TAFA1: variants seen among roughly 807,000 people sequenced by gnomAD.
TAFA1 encodes chemokine-like protein TAFA-1.
TAFA1 carries 4 observed loss-of-function variants against 18.5 expected under a neutral mutation model. That is an observed-to-expected ratio of 0.22 (90% CI 0.11 to 0.49). The LOEUF (loss-of-function observed/expected upper bound fraction) is 0.49. TAFA1 is among the 20% of genes least tolerant of loss of function. TAFA1 has a pLI of 0.98. For synonymous variants in TAFA1, 56 were observed against 55.2 expected (o/e 1.01, Z -0.06); for missense variants, 147 against 169.0 (o/e 0.87, Z 0.72).
chr3:68,433,238 C>T (rs967682314), intron 3 of TAFA1, among the ~76,000 whole-genome samples: 10 of 151,996 alleles, frequency 6.6e-5, no homozygotes, highest in Non-Finnish European at 1.3e-4. Flanking sequence ...CCTCATGGCC[C>T]ATGTCCATTT....
chr3:68,226,972 G>C (rs1045041117), intron 2 of TAFA1, among the ~76,000 whole-genome samples: 1 of 152,162 alleles, frequency 6.6e-6, no homozygotes, highest in Non-Finnish European at 1.5e-5. Context: ...CGTAGCCTTG[G>C]CCGAGGGGTT....
At chr3:68,368,735 C>A (rs888742982) in intron 2 of TAFA1, among the ~76,000 whole-genome samples, 1 of 151,964 alleles carries the variant, frequency 6.6e-6, no homozygotes, top group Non-Finnish European at 1.5e-5. Flanking sequence ...AAATCCATTT[C>A]ATCTCTGCCA....
intron 3 of TAFA1, among the ~76,000 whole-genome samples, chr3:68,469,303 A>G (rs1159791053): frequency 6.6e-6 from 1 of 152,170 alleles, no homozygotes; most frequent in East Asian, 1.9e-4. Context: ...TCCAGTGGGA[A>G]GTAGGCATGT....
intron 2 of TAFA1, among the ~76,000 whole-genome samples, chr3:68,086,651 GGAAGAT>G (rs2064974023): frequency 6.6e-6 from 1 of 152,178 alleles, no homozygotes. Context: ...TGAGGGGAAA[GGAAGAT>G]GAAATACCAA....
At chr3:68,473,458 C>T (rs1429350810) in intron 3 of TAFA1, among the ~76,000 whole-genome samples, 1 of 152,130 alleles carries the variant, frequency 6.6e-6, no homozygotes, top group African/African-American at 2.4e-5. Context: ...CTTGTCTTAA[C>T]TTTCCAGTCT....
At chr3:68,361,400 G>A (rs1220039567) in intron 2 of TAFA1, among the ~76,000 whole-genome samples, 1 of 151,874 alleles carries the variant, frequency 6.6e-6, no homozygotes, top group African/African-American at 2.4e-5. Flanking sequence ...TACAAACATA[G>A]ACAAAAAAGC....
chr3:68,206,671 A>T (rs944397325), intron 2 of TAFA1, among the ~76,000 whole-genome samples: 1 of 151,928 alleles, frequency 6.6e-6, no homozygotes, highest in African/African-American at 2.4e-5. Context: ...GATTGGTCAT[A>T]TCTGGCAAAA....
At chr3:68,080,800 G>C (rs929953668) in intron 2 of TAFA1, among the ~76,000 whole-genome samples, 8 of 152,008 alleles carry the variant, frequency 5.3e-5, no homozygotes, top group African/African-American at 1.4e-4. Context: ...CTTGGAGTTG[G>C]TCTTCTCGAG....
intron 3 of TAFA1, among the ~76,000 whole-genome samples, chr3:68,506,253 G>A (rs1036283968): frequency 3.3e-5 from 5 of 152,112 alleles, no homozygotes; most frequent in South Asian, 4.1e-4. Flanking sequence ...ATTCCATGGT[G>A]TATATATGCC....
intron 3 of TAFA1, among the ~76,000 whole-genome samples, chr3:68,451,520 A>G (rs559283415): frequency 3.8e-4 from 58 of 152,332 alleles, no homozygotes; most frequent in Non-Finnish European, 7.1e-4. Context: ...AAGGAAAAAA[A>G]GGCTATTAGG....
chr3:68,357,765 C>T (rs572053785), intron 2 of TAFA1, among the ~76,000 whole-genome samples: 3 of 151,890 alleles, frequency 2.0e-5, no homozygotes. Flanking sequence ...ATTTTTATAT[C>T]CCTTTTAGAG....
chr3:68,252,424 A>T (rs546925286), intron 2 of TAFA1, among the ~76,000 whole-genome samples: 177 of 152,314 alleles, frequency 1.2e-3, no homozygotes, highest in African/African-American at 4.2e-3. Context: ...ATCAAATTAT[A>T]TTACTGATAT....
chr3:68,231,261 C>T (rs1228240883), intron 2 of TAFA1, among the ~76,000 whole-genome samples: 1 of 151,350 alleles, frequency 6.6e-6, no homozygotes, highest in African/African-American at 2.4e-5. Context: ...AACTCATTAC[C>T]AACACATAGC....
chr3:68,309,687 T>G (rs914844629), intron 2 of TAFA1, among the ~76,000 whole-genome samples: 2 of 152,222 alleles, frequency 1.3e-5, no homozygotes, highest in African/African-American at 4.8e-5. Flanking sequence ...AGCTGCCACC[T>G]AAACTTACTT....
intron 2 of TAFA1, among the ~76,000 whole-genome samples, chr3:68,121,647 T>C (rs2065400339): frequency 6.6e-6 from 1 of 152,196 alleles, no homozygotes; most frequent in Non-Finnish European, 1.5e-5. Context: ...TTTAAAATTA[T>C]GTAGTGTTCA....
intron 2 of TAFA1, among the ~76,000 whole-genome samples, chr3:68,306,065 C>T (rs949733197): frequency 4.6e-5 from 7 of 152,072 alleles, no homozygotes; most frequent in Non-Finnish European, 8.8e-5. Flanking sequence ...AATACAAAAC[C>T]GTGACTTCAT....
At chr3:68,239,920 A>T (rs145263024) in intron 2 of TAFA1, among the ~76,000 whole-genome samples, 1 of 152,232 alleles carries the variant, frequency 6.6e-6, no homozygotes, top group Admixed American at 6.5e-5. Context: ...TTATAAATAA[A>T]TGGTGTTTAT....
chr3:68,145,053 T>C, intron 2 of TAFA1: 4 of 1,606,920 alleles, frequency 2.5e-6, no homozygotes, highest in Non-Finnish European at 1.7e-6. Context: ...AAAAAGTTGC[T>C]GGATCAGTGC....
chr3:68,173,037 T>TA (rs1441767672), intron 2 of TAFA1, among the ~76,000 whole-genome samples: 1 of 152,106 alleles, frequency 6.6e-6, no homozygotes, highest in Non-Finnish European at 1.5e-5. Context: ...CTGAGGATTT[T>TA]TTTTAAGGAA....
Sources: allele counts gnomAD v4.1 joint callset (sites outside exome capture counted in the v4.1 genomes callset), GRCh38; gene constraint gnomAD v4.1.1; transcripts MANE v1.5; gene names NCBI Gene and HGNC (gene_info 2026-07-23, HGNC 2026-07-21).